The following PML variants were observed in gnomAD, a reference collection of about 807,000 sequenced individuals.
The protein encoded by PML is protein PML.
In PML, 28 loss-of-function variants were observed where a neutral mutation model predicts 65.2. The ratio of observed to expected loss-of-function variants is 0.43; its 90% CI spans 0.32 to 0.59. The LOEUF is 0.59. Among genes scored for constraint, PML ranks in the 20% least tolerant of loss-of-function variants. PML has a pLI of 0.08. For missense variants in PML, 1,021 were observed against 1,203.4 expected, an observed-to-expected ratio of 0.85 and a Z score of 2.24; for synonymous variants, 500 against 508.8, an observed-to-expected ratio of 0.98 and a Z score of 0.23.
rs1356086955 is a variant in PML, at chr15:74,031,416, G to A, written c.1255-1156G>A. The A allele has an allele frequency of 1.1e-5, 3 of 280,690 alleles. No homozygotes were observed. In the Admixed American group the frequency reaches 1.2e-4, roughly 12 times the overall value. 17.4% of individuals were successfully genotyped at this position (280,690 alleles called of 1,614,324 possible). A position where few individuals can be genotyped will look rare whatever the true frequency, so the allele number is the denominator to read the frequency against. ...AGCCTCCCAAGTAGCTGGGACTACA[G>A]GTGTGCACCACCACGTCTGGCTGGT... On this transcript the variant is annotated intron_variant, in intron 4 of 8. Coordinates refer to ENST00000268058, the MANE Select transcript of PML (RefSeq NM_033238.3).
chr15:74,036,514 T>C, intron 7 of PML: 1 of 1,066,056 alleles, frequency 9.4e-7, no homozygotes, highest in South Asian at 2.2e-5. Flanking sequence ...CCATGTCCCC[T>C]CTTCCTCCCA....
intron 2 of PML, among the ~76,000 whole-genome samples, chr15:74,008,813 C>T (rs1356395110): frequency 6.6e-6 from 1 of 151,718 alleles, no homozygotes; most frequent in Non-Finnish European, 1.5e-5. Flanking sequence ...TCTCTCTGCA[C>T]TCTGGTACTT....
rs953405301 is a variant in PML at position 74,035,167 on chromosome 15, G to A, written c.1710+637G>A. ...GCCCTCAGTCTGAGGTTCTGTATTG[G>A]AAAGTGCATGGAGCCCATGGAGACC... On this transcript the variant is annotated intron_variant, in intron 7 of 8. Transcript: ENST00000268058. This position sits in a 1 kb window ranked among gnomAD's most constrained non-coding sequence, Gnocchi z 4.1. The A allele has an allele frequency of 4.0e-6, 5 of 1,247,190 alleles. No homozygotes were observed. The highest frequency in any genetic ancestry group is 2.3e-5 in the East Asian group (1 of 43,150). 77.3% of individuals were successfully genotyped at this position (1,247,190 alleles called of 1,614,324 possible). A position where few individuals can be genotyped will look rare whatever the true frequency, so the allele number is the denominator to read the frequency against.
chr15:74,042,369 G>A lies in PML; in HGVS notation c.1711-620G>A. ...AAGCAGTCCTTCCCCTCGCCTTTGT[G>A]TAGGACACTGGCACCTCGGCTGACT... On this transcript the variant is annotated intron_variant, in intron 7 of 8. Coordinates refer to ENST00000268058, the MANE Select transcript of PML (RefSeq NM_033238.3). The surrounding 1 kb of genome is among the most constrained non-coding windows in gnomAD (Gnocchi z 5.3). 2 of 985,454 alleles carry A rather than the reference G, an allele frequency of 2.0e-6. No individual in the cohort carries two copies. Among genetic ancestry groups the A allele is most frequent in the South Asian group, 9.4e-5 (2 of 21,288 alleles). 61.0% of individuals were successfully genotyped at this position (985,454 alleles called of 1,614,324 possible).
At chr15:73,996,294 G>A (rs1314363792) in intron 1 of PML, among the ~76,000 whole-genome samples, 1 of 152,166 alleles carries the variant, frequency 6.6e-6, no homozygotes, top group Non-Finnish European at 1.5e-5. Flanking sequence ...GAATTAAATA[G>A]CCTATGAATT....
Position 74,036,927 on chromosome 15 carries a change from T to C in PML, c.1710+2397T>C, listed in dbSNP as rs967405343. On this transcript the variant is annotated intron_variant, in intron 7 of 8. Transcript: ENST00000268058. ...CCGCAGCCTCCTGTTCCTTGAGCTC[T>C]CAGTCCTACCTTCGCCTCCCTCCAG... is the stretch of plus-strand genomic sequence containing the variant. 9 of 985,242 alleles carry C rather than the reference T, an allele frequency of 9.1e-6. No homozygotes were observed. In the Admixed American group the frequency reaches 3.7e-4, roughly 40 times the overall value. The allele number at this position is 985,242 out of a possible 1,614,324, so 61.0% of individuals were successfully genotyped here.
intron 3 of PML, 98 bp downstream of exon 3, chr15:74,023,506 A>G: frequency 1.0e-6 from 1 of 991,564 alleles, no homozygotes; most frequent in Non-Finnish European, 1.5e-6. Context: ...AGAAAAGAAA[A>G]CTGGGTGTTT....
intron 7 of PML, among the ~76,000 whole-genome samples, chr15:74,038,902 A>G (rs1384769580): frequency 2.6e-5 from 4 of 152,222 alleles, no homozygotes; most frequent in Non-Finnish European, 5.9e-5. Context: ...GGGCATAGTC[A>G]TGGGGTGGAG....
intron 2 of PML, among the ~76,000 whole-genome samples, chr15:74,016,628 GA>G (rs1398354187): frequency 6.6e-6 from 1 of 152,014 alleles, no homozygotes; most frequent in Admixed American, 6.6e-5. Context: ...AGAGAAAGAG[GA>G]AACTACTATC....
In PML at chr15:74,035,662, G is replaced by A. The variant is rs766337991; in HGVS notation, c.1710+1132G>A. 3.5e-5 allele frequency: 57 copies of A among 1,613,972 alleles called. No homozygotes were observed. In the South Asian group the frequency reaches 5.9e-4, roughly 17 times the overall value. On this transcript the variant is annotated intron_variant, in intron 7 of 8. Transcript: ENST00000268058. The surrounding 1 kb of genome is among the most constrained non-coding windows in gnomAD (Gnocchi z 4.1). ...CGAGGGGCTGTGCGATCCCGCAGCC[G>A]CTCCCTCCGGGGCTCCTCCCATTTA...
chr15:74,036,036 C>T (rs759801761), intron 7 of PML: 3 of 1,614,078 alleles, frequency 1.9e-6, no homozygotes, highest in East Asian at 4.5e-5. Flanking sequence ...CTCTTACAGG[C>T]CCTGCACAGA....
intron 2 of PML, among the ~76,000 whole-genome samples, chr15:74,010,529 A>G (rs936852220): frequency 2.0e-5 from 3 of 151,862 alleles, no homozygotes; most frequent in Admixed American, 6.6e-5. Flanking sequence ...AAAAAAAAAA[A>G]AAAAAAAGAA....
intron 6 of PML, chr15:74,034,231 A>G: frequency 3.5e-6 from 2 of 572,102 alleles, no homozygotes; most frequent in Middle Eastern, 4.8e-4. Context: ...AATTCTGGGC[A>G]GATAACTTAA....
intron 4 of PML, among the ~76,000 whole-genome samples, chr15:74,029,203 A>G (rs1338098761): frequency 3.9e-5 from 6 of 152,172 alleles, no homozygotes; most frequent in African/African-American, 1.4e-4. Context: ...CTTAAATAAT[A>G]GTCATTCTAA....
intron 4 of PML, chr15:74,031,370 C>A: frequency 2.8e-6 from 1 of 351,386 alleles, no homozygotes; most frequent in Non-Finnish European, 5.7e-6. Flanking sequence ...TGCCTCAGGG[C>A]TCAAGCGATT....
chr15:74,036,416 C>T (rs561713268), intron 7 of PML: 28 of 1,305,976 alleles, frequency 2.1e-5, no homozygotes, highest in East Asian at 1.6e-4. Flanking sequence ...CCTTATTCCA[C>T]GACCATCGCG....
At chr15:74,016,478 G>T (rs1488007079) in intron 2 of PML, among the ~76,000 whole-genome samples, 1 of 151,984 alleles carries the variant, frequency 6.6e-6, no homozygotes, top group Non-Finnish European at 1.5e-5. Context: ...TCCCAGAGAC[G>T]AGAAAGAGCT....
At chr15:74,010,636 A>G (rs900362669) in intron 2 of PML, among the ~76,000 whole-genome samples, 1 of 152,136 alleles carries the variant, frequency 6.6e-6, no homozygotes, top group African/African-American at 2.4e-5. Context: ...GCAATCACTT[A>G]TTGAGCATTT....
intron 7 of PML, chr15:74,036,395 C>T: frequency 7.4e-7 from 1 of 1,345,400 alleles, no homozygotes; most frequent in South Asian, 1.6e-5. Context: ...TGAACCATCA[C>T]CCTTGCGAAC....
Sources: allele counts gnomAD v4.1 joint callset (sites outside exome capture counted in the v4.1 genomes callset), GRCh38; gene constraint gnomAD v4.1.1; non-coding constraint Gnocchi (gnomAD v3.1); transcripts MANE v1.5; gene names NCBI Gene and HGNC (gene_info 2026-07-23, HGNC 2026-07-21).